The following PPP4R3B variants were observed in gnomAD, a reference collection of about 807,000 sequenced individuals.
PPP4R3B encodes protein phosphatase 4 regulatory subunit 3B, also known as serine/threonine-protein phosphatase 4 regulatory subunit 3B.
In PPP4R3B, 52 loss-of-function variants were observed where a neutral mutation model predicts 95.4. The observed-to-expected ratio is 0.54, with a 90% CI of 0.44 to 0.69. PPP4R3B has a LOEUF of 0.69. Ranked by LOEUF, PPP4R3B falls within the 30% of genes least tolerant of loss-of-function variation. PPP4R3B has a pLI of 0.00. For synonymous variants in PPP4R3B, 407 were observed against 343.9 expected, an observed-to-expected ratio of 1.18 and a Z score of -2.03; for missense variants, 1,003 against 1,005.9, an observed-to-expected ratio of 1.00 and a Z score of 0.04.
At chr2:55,570,256 CA>C (rs1687841527) in intron 12 of PPP4R3B, among the ~76,000 whole-genome samples, 1 of 152,160 alleles carries the variant, frequency 6.6e-6, no homozygotes, top group African/African-American at 2.4e-5. Context: ...TCTCAAAAAA[CA>C]AACAATTTGT....
At chr2:55,590,218 T>C (rs1690815985) in intron 4 of PPP4R3B, among the ~76,000 whole-genome samples, 1 of 148,636 alleles carries the variant, frequency 6.7e-6, no homozygotes, top group Non-Finnish European at 1.5e-5. Context: ...TCCTAGCTAC[T>C]AGGGAGGCTG....
At chr2:55,605,919 A>G (rs1222098884) in intron 2 of PPP4R3B, among the ~76,000 whole-genome samples, 2 of 151,822 alleles carry the variant, frequency 1.3e-5, no homozygotes, top group Non-Finnish European at 1.5e-5. Flanking sequence ...AAAAAAAAAA[A>G]AAAAAGAAAT....
At chr2:55,614,162 T>C (rs955237682) in intron 2 of PPP4R3B, 1 of 152,212 alleles carries the variant, frequency 6.6e-6, no homozygotes, top group Non-Finnish European at 1.5e-5. Flanking sequence ...AGTAAGACTT[T>C]GTAATAATAA....
At chr2:55,613,966 C>T (rs917481733) in intron 2 of PPP4R3B, among the ~76,000 whole-genome samples, 2 of 152,086 alleles carry the variant, frequency 1.3e-5, no homozygotes, top group African/African-American at 4.8e-5. Context: ...GTCTACCTTA[C>T]AATGTCTAAG....
In PPP4R3B at chr2:55,573,713, A is replaced by G; in HGVS notation, c.1671T>C (p.His557=). 6.5e-7 allele frequency: 1 copy of G among 1,545,424 alleles called. No individual in the cohort carries two copies. The highest frequency in any genetic ancestry group is 8.7e-7 in the Non-Finnish European group (1 of 1,144,954). The change falls in exon 12 of 17, where the codon CAT becomes CAC. Residue 557 remains histidine, a synonymous_variant. Coordinates refer to ENST00000616407, the MANE Select transcript of PPP4R3B (RefSeq NM_001122964.3). ...TATAGTTTTTTATGTGATATGTGTG[A>G]TGTTCCACACAAAATGTGAGTAACT... is the stretch of plus-strand genomic sequence containing the variant. ...ILELLTFCVE[H]HTYHIKNYIM...
intron 13 of PPP4R3B, 77 bp from the exon 14 acceptor site, chr2:55,565,118 A>G (rs911406414): frequency 9.1e-6 from 11 of 1,210,502 alleles, no homozygotes; most frequent in Non-Finnish European, 1.2e-5. Context: ...TTTGTTTTGT[A>G]GTTCTAAAGC....
chr2:55,577,370 T>G lies in PPP4R3B; in HGVS notation c.1565-14A>C. On this transcript the variant is annotated splice_polypyrimidine_tract_variant and intron_variant, in intron 10 of 16. Coordinates refer to ENST00000616407, the MANE Select transcript of PPP4R3B (RefSeq NM_001122964.3). The stretch of plus-strand genomic sequence containing the variant: ...CAACTATATTATCTAATAAAAAAAT[T>G]AAAAATTAAAATAAAATACTTCAGT... 6.9e-7 allele frequency: 1 copy of G among 1,457,982 alleles called. No individual in the cohort carries two copies. The highest frequency in any genetic ancestry group is 2.5e-5 in the Admixed American group (1 of 39,826). The allele number at this position is 1,457,982 out of a possible 1,614,324, so 90.3% of individuals were successfully genotyped here.
At chr2:55,605,601 C>T (rs1693261885) in intron 2 of PPP4R3B, among the ~76,000 whole-genome samples, 1 of 152,076 alleles carries the variant, frequency 6.6e-6, no homozygotes, top group Non-Finnish European at 1.5e-5. Flanking sequence ...TCAAGTCACT[C>T]CTTTGTCTAA....
At position 55,586,812 on chromosome 2, in the gene PPP4R3B, T is replaced by TG. The variant is rs1293205072; in HGVS notation, c.1000-79dup. 5.1e-6 allele frequency: 4 copies of TG among 791,138 alleles called. No homozygotes were observed. In the Admixed American group the frequency reaches 7.2e-5, roughly 14 times the overall value. 49.0% of individuals were successfully genotyped at this position (791,138 alleles called of 1,614,324 possible). ...ACTATAGTAATCATCTACCATGGTG[T>TG]GGTATTCACCCTTCTGAAGGATCTC... On this transcript the variant is annotated intron_variant, in intron 5 of 16. Coordinates refer to ENST00000616407, the MANE Select transcript of PPP4R3B (RefSeq NM_001122964.3).
At position 55,556,514 on chromosome 2, in the gene PPP4R3B, T is replaced by C. The variant is rs1345700945; in HGVS notation, c.2454+2261A>G. Among the ~76,000 whole-genome samples the C allele has an allele frequency of 2.6e-5, 4 of 151,954 alleles. No homozygotes were observed. In the South Asian group the frequency reaches 6.2e-4, roughly 24 times the overall value. ...TATTATTAGAAATAGAAGACACAGC[T>C]AAAAGAGTTCAAAGGTATCTTTGTG... On this transcript the variant is annotated intron_variant, in intron 16 of 16. Transcript: ENST00000616407.
At chr2:55,594,492 C>T (rs2104403267) in intron 4 of PPP4R3B, among the ~76,000 whole-genome samples, 1 of 152,114 alleles carries the variant, frequency 6.6e-6, no homozygotes, top group Non-Finnish European at 1.5e-5. Context: ...ATAGCCTTCA[C>T]AAATAAACCT....
chr2:55,613,826 T>C (rs1366519791), intron 2 of PPP4R3B, among the ~76,000 whole-genome samples: 1 of 144,006 alleles, frequency 6.9e-6, no homozygotes. Context: ...AAAAAAAAAA[T>C]TAGTATTTCT....
At chr2:55,597,391 G>A (rs1288771587) in intron 4 of PPP4R3B, among the ~76,000 whole-genome samples, 1 of 152,126 alleles carries the variant, frequency 6.6e-6, no homozygotes, top group Non-Finnish European at 1.5e-5. Context: ...GGGAGGCTGA[G>A]GTGGGTGGAT....
intron 10 of PPP4R3B, among the ~76,000 whole-genome samples, chr2:55,577,643 A>G (rs970432160): frequency 3.9e-5 from 6 of 152,166 alleles, no homozygotes; most frequent in Non-Finnish European, 8.8e-5. Flanking sequence ...ACCTTCTCCT[A>G]TTCATCATTC....
In PPP4R3B at chr2:55,586,629, C is replaced by T; in HGVS notation, c.1105G>A (p.Glu369Lys). ...LAKLGILPAL[E>K]IVMGMDDLQV... ...AACGGCATAATTACCATTACAATTT[C>T]AAGAGCAGGAAGAATTCCCAATTTT... is the stretch of plus-strand genomic sequence containing the variant. Residue 369 changes from glutamate to lysine, a missense_variant, in exon 6 of 17, where the codon GAA (glutamate) becomes AAA (lysine). Glu to Lys is a moderately conservative substitution (Grantham distance 56). This residue lies in a region of PPP4R3B where 695 missense variants were observed against 686.2 expected (regional missense o/e 1.01). Transcript: ENST00000616407. 6.3e-7 allele frequency: 1 copy of T among 1,593,652 alleles called. No individual in the cohort carries two copies. The highest frequency in any genetic ancestry group is 8.6e-7 in the Non-Finnish European group (1 of 1,167,028).
At position 55,617,407 on chromosome 2, in the gene PPP4R3B, C is replaced by A; in HGVS notation, c.-122G>T. The A allele has an allele frequency of 8.6e-7, 1 of 1,164,452 alleles. No homozygotes were observed. Among genetic ancestry groups the A allele is most frequent in the Non-Finnish European group, 1.1e-6 (1 of 875,212 alleles). 72.1% of individuals were successfully genotyped at this position (1,164,452 alleles called of 1,614,324 possible). A position where few individuals can be genotyped will look rare whatever the true frequency, so the allele number is the denominator to read the frequency against. ...GCGGCGGCGGCGGCTTCGGAGAGGC[C>A]CGAATTCACCATGGCTCCAAAGGTT... On this transcript the variant is annotated 5_prime_UTR_variant, in exon 1 of 17. Transcript: ENST00000616407.
Position 55,554,233 on chromosome 2 carries a change from T to A in PPP4R3B, c.2455-4227A>T, listed in dbSNP as rs1685573080. ...GCATGTGCCACCATGTCCAGCTAATTTTTGTAGACGGGGTTTTGCCATTTT... is the reference window on the plus strand; with the variant it reads ...GCATGTGCCACCATGTCCAGCTAATATTTGTAGACGGGGTTTTGCCATTTT... On this transcript the variant is annotated intron_variant, in intron 16 of 16. Transcript: ENST00000616407. Among the ~76,000 whole-genome samples the A allele has an allele frequency of 2.6e-5, 4 of 152,284 alleles. No homozygotes were observed. The South Asian group carries it at 8.3e-4, about 32-fold the overall frequency.
At chr2:55,591,834 T>C (rs1468824215) in intron 4 of PPP4R3B, 2 of 185,616 alleles carry the variant, frequency 1.1e-5, no homozygotes, top group South Asian at 1.8e-4. Context: ...TCTGTTCCAA[T>C]ATATTTATGA....
intron 9 of PPP4R3B, 106 bp downstream of exon 9, chr2:55,579,573 A>C (rs1183674871): frequency 4.7e-6 from 3 of 635,850 alleles, no homozygotes; most frequent in African/African-American, 1.9e-5. Context: ...TTTCAGTCGT[A>C]ATCTCCCTGT....
Sources: gnomAD v4.1 joint callset for allele counts (sites outside exome capture counted in the v4.1 genomes callset) on GRCh38, gnomAD v4.1.1 for gene constraint, gnomAD v4.1.1 regional missense constraint, MANE v1.5 for transcripts, NCBI Gene and HGNC (gene_info 2026-07-23, HGNC 2026-07-21) for gene names.